Variants in PDZD2 observed in about 807,000 individuals in gnomAD.
The protein encoded by PDZD2 is PDZ domain containing 2, also known as PDZ domain-containing protein 2.
In PDZD2, 90 loss-of-function variants were observed where a neutral mutation model predicts 220.7. That is an observed-to-expected ratio of 0.41 (90% CI 0.34 to 0.49). PDZD2 has a LOEUF of 0.49. PDZD2 is among the 20% of genes least tolerant of loss of function. The pLI is 0.28. For synonymous variants in PDZD2, 1,375 were observed against 1,450.5 expected, an observed-to-expected ratio of 0.95 and a Z score of 1.18; for missense variants, 3,174 against 3,608.5, an observed-to-expected ratio of 0.88 and a Z score of 3.08.
intron 3 of PDZD2, among the ~76,000 whole-genome samples, chr5:31,988,256 G>A (rs1750869178): frequency 6.6e-6 from 1 of 152,226 alleles, no homozygotes; most frequent in South Asian, 2.1e-4. Context: ...ACATTGGGAT[G>A]TCATTTGAGG....
At chr5:31,876,128 T>A (rs1055540863) in intron 2 of PDZD2, among the ~76,000 whole-genome samples, 1 of 152,160 alleles carries the variant, frequency 6.6e-6, no homozygotes, top group South Asian at 2.1e-4. Context: ...TTTTGTATCC[T>A]TCAATAAAGT....
At chr5:31,969,852 C>G (rs1041660398) in intron 2 of PDZD2, among the ~76,000 whole-genome samples, 2 of 151,940 alleles carry the variant, frequency 1.3e-5, no homozygotes, top group African/African-American at 4.8e-5. Flanking sequence ...TGTGGTGCCG[C>G]CACTGTGCTG....
chr5:31,728,057 C>T (rs922095006), intron 1 of PDZD2, among the ~76,000 whole-genome samples: 4 of 150,136 alleles, frequency 2.7e-5, no homozygotes, highest in African/African-American at 9.8e-5. Flanking sequence ...CACCTATGGG[C>T]ATGTGCTATA....
intron 24 of PDZD2, among the ~76,000 whole-genome samples, chr5:32,102,240 G>A (rs779920309): frequency 5.9e-5 from 9 of 152,278 alleles, no homozygotes; most frequent in Non-Finnish European, 1.0e-4. Context: ...GAGGATGACA[G>A]AGAAATGTGC....
chr5:31,692,325 C>G (rs35401946), intron 1 of PDZD2, among the ~76,000 whole-genome samples: 57,106 of 152,198 alleles, frequency 0.38, 11,197 homozygotes, highest in East Asian at 0.52. Flanking sequence ...GGCGCGGCCC[C>G]GGTTCCCGCC....
rs58965956 is a variant in PDZD2 at position 31,740,524 on chromosome 5, C to CAAAAAAAAAAAAAAAAA, written c.-360-58347_-360-58331dup. Among the ~76,000 whole-genome samples, 44 of 60,084 alleles carry CAAAAAAAAAAAAAAAAA rather than the reference C, an allele frequency of 7.3e-4. 4 individuals are homozygous for CAAAAAAAAAAAAAAAAA. The highest frequency in any genetic ancestry group is 1.2e-3 in the East Asian group (3 of 2,508). The allele number at this position is 60,084 out of a possible 152,430, so 39.4% of individuals were successfully genotyped here. On this transcript the variant is annotated intron_variant, in intron 1 of 24. Transcript: ENST00000438447. Reference sequence around the variant, plus strand: ...TGGGTGACAGAGCAAGACTCCGTCTCAAAAAAAAAAAAAAAAAAAAAAAAA... The same window carrying CAAAAAAAAAAAAAAAAA: ...TGGGTGACAGAGCAAGACTCCGTCTCAAAAAAAAAAAAAAAAAAAAAAAAAAAAAAAAAAAAAAAAAA...
At chr5:31,968,521 C>G (rs188508898) in intron 2 of PDZD2, among the ~76,000 whole-genome samples, 1 of 151,934 alleles carries the variant, frequency 6.6e-6, no homozygotes, top group African/African-American at 2.4e-5. Context: ...GGCATGGTGG[C>G]GTATGCCTGT....
Position 32,089,049 on chromosome 5 carries a change from T to C in PDZD2, c.5601T>C (p.Ser1867=). 1 of 1,613,184 alleles carries C rather than the reference T, an allele frequency of 6.2e-7. No homozygotes were observed. Among genetic ancestry groups the C allele is most frequent in the Non-Finnish European group, 8.5e-7 (1 of 1,179,840 alleles). The change falls in exon 20 of 25, where the codon AGT becomes AGC. Residue 1867 remains serine, a synonymous_variant. Transcript: ENST00000438447. ...NLENKDLSKK[S]PAEMLLTNGQ... is the part of the protein sequence containing the mutation. ...AAAATAAGGACCTGTCTAAGAAGAG[T>C]CCGGCAGAAATGCTTCTGACTAATG...
intron 2 of PDZD2, among the ~76,000 whole-genome samples, chr5:31,941,315 C>T (rs781061319): frequency 1.9e-4 from 29 of 152,168 alleles, no homozygotes; most frequent in Non-Finnish European, 2.6e-4. Flanking sequence ...AGTTCCCAGA[C>T]GACTGCCCAT....
Position 31,856,457 on chromosome 5 carries a change from C to G in PDZD2, c.476+56733C>G, listed in dbSNP as rs974786068. ...AAGGGAAAGTGATGGGGTTCGGAAT[C>G]GAAGTGAATTTAAGGCTTATCTGGG... On this transcript the variant is annotated intron_variant, in intron 2 of 24. Coordinates refer to ENST00000438447, the MANE Select transcript of PDZD2 (RefSeq NM_178140.4). Among the ~76,000 whole-genome samples, 10 of 151,450 alleles carry G rather than the reference C, an allele frequency of 6.6e-5. No homozygotes were observed. The East Asian group carries it at 1.9e-3, about 29-fold the overall frequency.
At chr5:31,694,116 G>A (rs1747262383) in intron 1 of PDZD2, among the ~76,000 whole-genome samples, 1 of 152,182 alleles carries the variant, frequency 6.6e-6, no homozygotes, top group Non-Finnish European at 1.5e-5. Context: ...AACAGTGCTT[G>A]TAGGCCGGGT....
intron 7 of PDZD2, among the ~76,000 whole-genome samples, chr5:32,047,796 G>T (rs1360637238): frequency 1.3e-5 from 2 of 152,214 alleles, no homozygotes; most frequent in East Asian, 3.9e-4. Context: ...ACAGAATGGG[G>T]ATGAACAGGC....
Position 31,923,425 on chromosome 5 carries a change from A to C in PDZD2, c.477-59730A>C. The C allele has an allele frequency of 3.3e-6, 4 of 1,228,346 alleles. No homozygotes were observed. In the South Asian group the frequency reaches 4.8e-5, roughly 15 times the overall value. The allele number at this position is 1,228,346 out of a possible 1,614,324, so 76.1% of individuals were successfully genotyped here. Reference sequence around the variant, plus strand: ...CTGCAGCAGCTCTTCAACGGGGGCCAGTTTGCCATCCACTTGGGCTTTATC... The same window carrying C: ...CTGCAGCAGCTCTTCAACGGGGGCCCGTTTGCCATCCACTTGGGCTTTATC... On this transcript the variant is annotated intron_variant, in intron 2 of 24. Transcript: ENST00000438447.
Position 31,772,303 on chromosome 5 carries a change from C to T in PDZD2, c.-360-26586C>T, listed in dbSNP as rs35479639. Among the ~76,000 whole-genome samples the T allele has an allele frequency of 1.2e-3, 185 of 152,272 alleles. 7 individuals are homozygous for T. The South Asian group carries it at 0.035, about 29-fold the overall frequency. On this transcript the variant is annotated intron_variant, in intron 1 of 24. Transcript: ENST00000438447. The stretch of plus-strand genomic sequence containing the variant: ...GTCTTTCCTGCCAAACTGCTCACCC[C>T]GCCACTCTGGGTCATACCCTTGCTC...
chr5:32,023,417 C>T (rs1039284390), intron 6 of PDZD2, among the ~76,000 whole-genome samples: 2 of 152,124 alleles, frequency 1.3e-5, no homozygotes, highest in Non-Finnish European at 2.9e-5. Flanking sequence ...CAACCTTTTC[C>T]ATTTTTCCAA....
rs781370177 is a variant in PDZD2 at position 31,883,023 on chromosome 5, CAAAAAAAAAAAAA to C, written c.476+83312_476+83324del. Among the ~76,000 whole-genome samples, 38 of 47,956 alleles carry C rather than the reference CAAAAAAAAAAAAA, an allele frequency of 7.9e-4. 1 individual carries two copies. The highest frequency in any genetic ancestry group is 3.0e-3 in the East Asian group (3 of 988). 31.5% of individuals were successfully genotyped at this position (47,956 alleles called of 152,430 possible). On this transcript the variant is annotated intron_variant, in intron 2 of 24. Coordinates refer to ENST00000438447, the MANE Select transcript of PDZD2 (RefSeq NM_178140.4). The stretch of plus-strand genomic sequence containing the variant: ...CCATCCTGGGTGACAGACTCTGTCT[CAAAAAAAAAAAAA>C]AAAAAAAAAAAAGGCCCAGGGGGCA...
intron 5 of PDZD2, among the ~76,000 whole-genome samples, chr5:32,002,902 C>CACCACACA (rs1554022548): frequency 7.5e-5 from 1 of 13,354 alleles, no homozygotes; most frequent in Admixed American, 7.1e-4. Flanking sequence ...CCAACACACA[C>CACCACACA]CCCCACCACA....
intron 2 of PDZD2, among the ~76,000 whole-genome samples, chr5:31,842,816 A>G (rs138740268): frequency 1.1e-4 from 17 of 152,304 alleles, no homozygotes; most frequent in African/African-American, 3.9e-4. Context: ...TAGTTACTAT[A>G]AACCAATAAT....
At chr5:32,057,096 T>C (rs1739158152) in intron 10 of PDZD2, among the ~76,000 whole-genome samples, 1 of 152,142 alleles carries the variant, frequency 6.6e-6, no homozygotes, top group Admixed American at 6.5e-5. Context: ...CAATACTCTG[T>C]TTCAAAAAAA....
Sources: gnomAD v4.1 joint callset for allele counts (sites outside exome capture counted in the v4.1 genomes callset) on GRCh38, gnomAD v4.1.1 for gene constraint, MANE v1.5 for transcripts, NCBI Gene and HGNC (gene_info 2026-07-23, HGNC 2026-07-21) for gene names.